Variants in NDUFAF1 observed in about 807,000 individuals in gnomAD.
NDUFAF1 encodes NADH:ubiquinone oxidoreductase complex assembly factor 1.
A neutral mutation model predicts 28.7 loss-of-function variants in NDUFAF1; 18 were observed. The ratio of observed to expected loss-of-function variants is 0.63; its 90% CI spans 0.43 to 0.93. The LOEUF (loss-of-function observed/expected upper bound fraction) is 0.93. NDUFAF1 is among the 40% of genes least tolerant of loss of function. The pLI, the probability that NDUFAF1 is intolerant of heterozygous loss-of-function variation, is 0.00. For synonymous variants in NDUFAF1, 113 were observed against 139.7 expected, an observed-to-expected ratio of 0.81 and a Z score of 1.35; for missense variants, 404 against 398.3, an observed-to-expected ratio of 1.01 and a Z score of -0.12.
intron 1 of NDUFAF1, among the ~76,000 whole-genome samples, chr15:41,397,880 C>T (rs1381873430): frequency 6.7e-6 from 1 of 150,214 alleles, no homozygotes; most frequent in South Asian, 2.1e-4. Flanking sequence ...CAAAACTTAG[C>T]TGGGTGTGGT....
chr15:41,391,390 T>G (rs1269400789), intron 3 of NDUFAF1, among the ~76,000 whole-genome samples: 1 of 151,458 alleles, frequency 6.6e-6, no homozygotes, highest in African/African-American at 2.4e-5. Context: ...GGGAGGCGAG[T>G]CGGGTGGATC....
intron 3 of NDUFAF1, 70 bp downstream of exon 3, chr15:41,394,789 A>G: frequency 1.9e-6 from 3 of 1,543,284 alleles, no homozygotes; most frequent in Non-Finnish European, 2.7e-6. Flanking sequence ...AATTGCTGGG[A>G]TTATAGGCGT....
At chr15:41,400,435 G>C (rs974227954) in intron 1 of NDUFAF1, among the ~76,000 whole-genome samples, 26 of 151,382 alleles carry the variant, frequency 1.7e-4, no homozygotes, top group Non-Finnish European at 1.9e-4. Flanking sequence ...TCTAACTCCT[G>C]GGTTCAAGTG....
chr15:41,387,921 C>T (rs138251508), intron 4 of NDUFAF1, among the ~76,000 whole-genome samples: 20 of 152,172 alleles, frequency 1.3e-4, no homozygotes, highest in Middle Eastern at 3.4e-3. Context: ...ACCAGCCTGC[C>T]CAATATGGTA....
intron 3 of NDUFAF1, among the ~76,000 whole-genome samples, chr15:41,390,724 C>CAA (rs574547415): frequency 1.7e-5 from 2 of 117,800 alleles, no homozygotes; most frequent in Non-Finnish European, 1.8e-5. Context: ...GACTCTGTCT[C>CAA]AAAAAAAAAA....
intron 1 of NDUFAF1, among the ~76,000 whole-genome samples, chr15:41,400,506 G>A (rs1174089256): frequency 6.6e-6 from 1 of 150,526 alleles, no homozygotes; most frequent in East Asian, 1.9e-4. Context: ...TGCACCTGAT[G>A]AATACCACTC....
rs148371595 is a variant in NDUFAF1 at position 41,387,958 on chromosome 15, A to C, written c.835-365T>G. On this transcript the variant is annotated intron_variant, in intron 4 of 4. Transcript: ENST00000260361. The stretch of plus-strand genomic sequence containing the variant: ...AACCTCGTCTCTACTAAGAATACAA[A>C]GATTAGCCAAGTGTGGTGGCAGGCA... Among the ~76,000 whole-genome samples, 182 of 152,248 alleles carry C rather than the reference A, an allele frequency of 1.2e-3. 1 individual carries two copies. The highest frequency in any genetic ancestry group is 1.6e-3 in the Non-Finnish European group (111 of 68,030).
intron 2 of NDUFAF1, among the ~76,000 whole-genome samples, chr15:41,395,637 G>A (rs554055247): frequency 6.8e-6 from 1 of 147,730 alleles, no homozygotes; most frequent in Non-Finnish European, 1.5e-5. Context: ...CCCAAAGTGT[G>A]GGGATTACAG....
chr15:41,400,721 T>C (rs1422917861), intron 1 of NDUFAF1, among the ~76,000 whole-genome samples: 1 of 116,480 alleles, frequency 8.6e-6, no homozygotes, highest in African/African-American at 3.1e-5. Context: ...GGATTTTTAA[T>C]AGAGACAGGG....
intron 1 of NDUFAF1, among the ~76,000 whole-genome samples, chr15:41,400,994 A>T (rs1595412455): frequency 6.7e-6 from 1 of 148,246 alleles, no homozygotes; most frequent in South Asian, 2.1e-4. Context: ...TTTGAGACGG[A>T]GTCTTGCTCT....
At chr15:41,393,356 G>A (rs1294415832) in intron 3 of NDUFAF1, among the ~76,000 whole-genome samples, 2 of 138,344 alleles carry the variant, frequency 1.4e-5, no homozygotes, top group African/African-American at 5.6e-5. Context: ...GCAGTGGCAC[G>A]ATCTGCAAGC....
At chr15:41,401,177 A>T (rs2050457538) in intron 1 of NDUFAF1, among the ~76,000 whole-genome samples, 1 of 151,286 alleles carries the variant, frequency 6.6e-6, no homozygotes, top group Admixed American at 6.6e-5. Context: ...TATGTTGGCC[A>T]GAGTGGTCTC....
rs11318328 is a variant in NDUFAF1 at position 41,395,669 on chromosome 15, C to CT, written c.574-626dup. ...ACAGGCATGAGCCACTGCGCCCGGC[C>CT]TTTTTTTTTTTTTTTTTTTTTTGAG... On this transcript the variant is annotated intron_variant, in intron 2 of 4. Coordinates refer to ENST00000260361, the MANE Select transcript of NDUFAF1 (RefSeq NM_016013.4). Among the ~76,000 whole-genome samples, 537 of 63,124 alleles carry CT rather than the reference C, an allele frequency of 8.5e-3. 10 individuals carry two copies. Among genetic ancestry groups the CT allele is most frequent in the Middle Eastern group, 0.029 (2 of 68 alleles). The allele number at this position is 63,124 out of a possible 152,430, so 41.4% of individuals were successfully genotyped here. A position where few individuals can be genotyped will look rare whatever the true frequency, so the allele number is the denominator to read the frequency against.
intron 1 of NDUFAF1, among the ~76,000 whole-genome samples, chr15:41,398,345 G>A (rs773970898): frequency 6.6e-6 from 1 of 151,302 alleles, no homozygotes; most frequent in African/African-American, 2.4e-5. Context: ...TAATCCAGGC[G>A]TGGTGGCAGA....
intron 4 of NDUFAF1, among the ~76,000 whole-genome samples, chr15:41,388,058 C>T (rs956571199): frequency 2.0e-5 from 3 of 152,002 alleles, no homozygotes; most frequent in South Asian, 4.2e-4. Flanking sequence ...TGCAGTGAGC[C>T]GAGATCATGC....
upstream of NDUFAF1, chr15:41,402,500 T>A: frequency 2.9e-6 from 1 of 340,356 alleles, no homozygotes; most frequent in South Asian, 2.2e-5. Flanking sequence ...CCCGTATAGG[T>A]CCATCTGCTT....
At chr15:41,401,616 G>A (rs2050464565) in intron 1 of NDUFAF1, among the ~76,000 whole-genome samples, 1 of 150,384 alleles carries the variant, frequency 6.6e-6, no homozygotes, top group Non-Finnish European at 1.5e-5. Context: ...AGTAGAGACA[G>A]GGTTTCACCA....
In NDUFAF1 at chr15:41,388,442, T is replaced by C; in HGVS notation, c.834+6A>G. The C allele has an allele frequency of 1.3e-6, 2 of 1,598,754 alleles. No individual in the cohort carries two copies. The highest frequency in any genetic ancestry group is 1.7e-6 in the Non-Finnish European group (2 of 1,166,136). ...GTTCTGAGTGAAAAATACAGGAATATGTTACCTTATCAAGCGGAAGCTCAT... is the reference window on the plus strand; with the variant it reads ...GTTCTGAGTGAAAAATACAGGAATACGTTACCTTATCAAGCGGAAGCTCAT... On this transcript the variant is annotated splice_donor_region_variant and intron_variant, in intron 4 of 4. Coordinates refer to ENST00000260361, the MANE Select transcript of NDUFAF1 (RefSeq NM_016013.4).
At chr15:41,390,257 C>T (rs1391684179) in intron 3 of NDUFAF1, among the ~76,000 whole-genome samples, 2 of 152,068 alleles carry the variant, frequency 1.3e-5, no homozygotes, top group Non-Finnish European at 2.9e-5. Context: ...CCACTGGACC[C>T]AGCCAAAATT....
Sources: gnomAD v4.1 joint callset for allele counts (sites outside exome capture counted in the v4.1 genomes callset) on GRCh38, gnomAD v4.1.1 for gene constraint, MANE v1.5 for transcripts, NCBI Gene and HGNC (gene_info 2026-07-23, HGNC 2026-07-21) for gene names.